The following NKAIN2 variants were observed in gnomAD, a reference collection of about 807,000 sequenced individuals.
NKAIN2 encodes sodium/potassium-transporting ATPase subunit beta-1-interacting protein 2.
In NKAIN2, 14 loss-of-function variants were observed where a neutral mutation model predicts 32.6. The ratio of observed to expected loss-of-function variants is 0.43; its 90% CI spans 0.28 to 0.67. The LOEUF is 0.67. NKAIN2 is among the 30% of genes least tolerant of loss of function. The pLI, the probability that NKAIN2 is intolerant of heterozygous loss-of-function variation, is 0.17. For synonymous variants in NKAIN2, 80 were observed against 87.2 expected, an observed-to-expected ratio of 0.92 and a Z score of 0.46; for missense variants, 198 against 258.3, an observed-to-expected ratio of 0.77 and a Z score of 1.60.
chr6:124,799,100 CAAGAGT>C (rs1780141261), intron 5 of NKAIN2, among the ~76,000 whole-genome samples: 1 of 152,138 alleles, frequency 6.6e-6, no homozygotes, highest in African/African-American at 2.4e-5. Context: ...ATTTTCTAAA[CAAGAGT>C]AAGAAAGACA....
chr6:124,306,023 C>G (rs1360780348), intron 2 of NKAIN2, among the ~76,000 whole-genome samples: 2 of 152,092 alleles, frequency 1.3e-5, no homozygotes, highest in Non-Finnish European at 2.9e-5. Context: ...TGTCATCACC[C>G]TCACCCTCAC....
intron 2 of NKAIN2, among the ~76,000 whole-genome samples, chr6:124,287,966 C>T (rs1194163158): frequency 2.0e-5 from 3 of 151,964 alleles, no homozygotes; most frequent in African/African-American, 4.8e-5. Context: ...CCCCCCTCTC[C>T]CTTTCTTCCT....
rs556844846 is a variant in NKAIN2 at position 123,870,986 on chromosome 6, A to G, written c.54+66732A>G. Among the ~76,000 whole-genome samples, 394 of 151,984 alleles carry G rather than the reference A, an allele frequency of 2.6e-3. 1 individual carries two copies. Among genetic ancestry groups the G allele is most frequent in the Non-Finnish European group, 4.4e-3 (301 of 67,952 alleles). ...TTCAACTCTTCAGCTATTTTTCTTG[A>G]TATTTGCTCCATATACTTCAGTGGC... On this transcript the variant is annotated intron_variant, in intron 1 of 6. Coordinates refer to ENST00000368417, the MANE Select transcript of NKAIN2 (RefSeq NM_001040214.3).
At chr6:124,821,471 T>C (rs1781392641) in intron 6 of NKAIN2, among the ~76,000 whole-genome samples, 1 of 152,130 alleles carries the variant, frequency 6.6e-6, no homozygotes, top group South Asian at 2.1e-4. Context: ...GCTAATTATA[T>C]ACAATTTAAT....
chr6:123,886,899 G>C (rs1006867140), intron 1 of NKAIN2, among the ~76,000 whole-genome samples: 12 of 151,914 alleles, frequency 7.9e-5, no homozygotes, highest in Non-Finnish European at 4.4e-5. Context: ...TTAATAACAG[G>C]GCACAGTGGG....
intron 4 of NKAIN2, among the ~76,000 whole-genome samples, chr6:124,666,777 C>G (rs1772817516): frequency 1.3e-5 from 2 of 151,796 alleles, no homozygotes; most frequent in Admixed American, 1.3e-4. Context: ...TCAGGTATTC[C>G]CTATATGCAA....
intron 1 of NKAIN2, among the ~76,000 whole-genome samples, chr6:124,058,593 T>A (rs1782778318): frequency 6.6e-6 from 1 of 152,066 alleles, no homozygotes; most frequent in Non-Finnish European, 1.5e-5. Context: ...TAAATGTTAC[T>A]TATAATAGTC....
chr6:124,242,662 G>T (rs1395689775), intron 1 of NKAIN2, among the ~76,000 whole-genome samples: 2 of 152,094 alleles, frequency 1.3e-5, no homozygotes, highest in Non-Finnish European at 2.9e-5. Context: ...ATCAATGCTA[G>T]ACTGGATTAA....
At chr6:124,374,640 G>T (rs968654766) in intron 3 of NKAIN2, among the ~76,000 whole-genome samples, 4 of 152,028 alleles carry the variant, frequency 2.6e-5, no homozygotes, top group African/African-American at 9.7e-5. Flanking sequence ...ATTTTTCTTT[G>T]TTTTTAAATG....
intron 1 of NKAIN2, among the ~76,000 whole-genome samples, chr6:124,152,966 G>C (rs802249): frequency 0.8 from 120,730 of 151,774 alleles, 49,293 homozygotes; most frequent in South Asian, 0.9. Flanking sequence ...ATCTCTTGCA[G>C]TTAGCATAAT....
chr6:124,614,118 G>A (rs543852220), intron 3 of NKAIN2, among the ~76,000 whole-genome samples: 1 of 152,194 alleles, frequency 6.6e-6, no homozygotes, highest in East Asian at 1.9e-4. Flanking sequence ...ATCTGACTGG[G>A]CACGGTGGCT....
chr6:124,355,197 C>T (rs1029646144), intron 2 of NKAIN2, 70 bp from the exon 3 acceptor site: 19 of 991,778 alleles, frequency 1.9e-5, no homozygotes, highest in African/African-American at 8.0e-5. Context: ...TGCGAAAGTT[C>T]GTTTTATTTG....
At chr6:124,558,666 A>C (rs1347702248) in intron 3 of NKAIN2, among the ~76,000 whole-genome samples, 1 of 152,146 alleles carries the variant, frequency 6.6e-6, no homozygotes, top group Non-Finnish European at 1.5e-5. Context: ...GCCAGACCTC[A>C]GCTGGATGTG....
intron 1 of NKAIN2, among the ~76,000 whole-genome samples, chr6:123,963,957 G>A (rs1777966441): frequency 6.6e-6 from 1 of 152,092 alleles, no homozygotes; most frequent in Admixed American, 6.6e-5. Flanking sequence ...AGGACTAGGA[G>A]TATAATGATG....
intron 4 of NKAIN2, among the ~76,000 whole-genome samples, chr6:124,753,148 A>G (rs1016017895): frequency 6.6e-6 from 1 of 152,090 alleles, no homozygotes; most frequent in African/African-American, 2.4e-5. Context: ...GATCTTTTTC[A>G]TATGAAATTG....
intron 1 of NKAIN2, among the ~76,000 whole-genome samples, chr6:123,866,074 G>A (rs9490976): frequency 0.028 from 4,329 of 152,226 alleles, 197 homozygotes; most frequent in African/African-American, 0.098. Context: ...AAACCATAAT[G>A]TGATTTATTA....
At chr6:124,199,133 T>C (rs574423806) in intron 1 of NKAIN2, among the ~76,000 whole-genome samples, 3 of 152,282 alleles carry the variant, frequency 2.0e-5, no homozygotes, top group South Asian at 2.1e-4. Flanking sequence ...CTTTGAAAAA[T>C]TGTAGTTAGA....
At chr6:124,608,771 C>T (rs1782585726) in intron 3 of NKAIN2, among the ~76,000 whole-genome samples, 1 of 152,132 alleles carries the variant, frequency 6.6e-6, no homozygotes, top group Non-Finnish European at 1.5e-5. Context: ...AATTTTCGAC[C>T]TCACTCGGGG....
intron 1 of NKAIN2, among the ~76,000 whole-genome samples, chr6:124,088,936 G>A (rs939814263): frequency 2.6e-5 from 4 of 151,934 alleles, no homozygotes; most frequent in African/African-American, 9.7e-5. Context: ...ACTTATCTTA[G>A]CACAATAGTG....
Sources: allele counts gnomAD v4.1 joint callset (sites outside exome capture counted in the v4.1 genomes callset), GRCh38; gene constraint gnomAD v4.1.1; transcripts MANE v1.5; gene names NCBI Gene and HGNC (gene_info 2026-07-23, HGNC 2026-07-21).